Variants in RBFOX1 observed in about 807,000 individuals in gnomAD.
The protein encoded by RBFOX1 is RNA binding protein fox-1 homolog 1.
Under a neutral mutation model 57.7 loss-of-function variants are expected in RBFOX1, and 8 were observed. The observed-to-expected ratio is 0.14, with a 90% CI of 0.08 to 0.25. The LOEUF is 0.25. Ranked by LOEUF, RBFOX1 falls within the 10% of genes least tolerant of loss-of-function variation. RBFOX1 has a pLI of 1.00. For synonymous variants in RBFOX1, 326 were observed against 222.4 expected, an observed-to-expected ratio of 1.47 and a Z score of -4.15; for missense variants, 611 against 548.5, an observed-to-expected ratio of 1.11 and a Z score of -1.14.
chr16:7,494,440 C>G (rs1242455317), intron 4 of RBFOX1, among the ~76,000 whole-genome samples: 2 of 152,184 alleles, frequency 1.3e-5, no homozygotes, highest in Admixed American at 6.5e-5. Context: ...CTCCTTTCCT[C>G]CCAGGCTGGG....
chr16:6,123,808 G>T (rs568980808), intron 1 of RBFOX1, among the ~76,000 whole-genome samples: 1 of 152,272 alleles, frequency 6.6e-6, no homozygotes, highest in Admixed American at 6.5e-5. Context: ...AGGAGGCTGA[G>T]GTCCAGGGAT....
chr16:7,439,400 C>T (rs2098748314), intron 4 of RBFOX1, among the ~76,000 whole-genome samples: 1 of 151,434 alleles, frequency 6.6e-6, no homozygotes, highest in African/African-American at 2.4e-5. Context: ...ACCTTTCTTT[C>T]TGGGTGGAGG....
At chr16:5,782,703 C>G (rs930351915) in intron 3 of RBFOX1, among the ~76,000 whole-genome samples, 2 of 152,106 alleles carry the variant, frequency 1.3e-5, no homozygotes, top group African/African-American at 4.8e-5. Flanking sequence ...GAAGAATTGG[C>G]TTACATAATT....
At chr16:6,795,860 A>T (rs77380384) in intron 3 of RBFOX1, among the ~76,000 whole-genome samples, 7,646 of 151,602 alleles carry the variant, frequency 0.05, 331 homozygotes, top group East Asian at 0.22. Flanking sequence ...TCAGCTTTCC[A>T]CAAAATCACC....
At chr16:6,518,388 G>A (rs185357225) in intron 2 of RBFOX1, among the ~76,000 whole-genome samples, 1 of 152,142 alleles carries the variant, frequency 6.6e-6, no homozygotes, top group Non-Finnish European at 1.5e-5. Flanking sequence ...TCAAGTTGGG[G>A]GTCATGGGGA....
chr16:7,539,868 T>A (rs1235488598), intron 5 of RBFOX1, among the ~76,000 whole-genome samples: 1 of 152,100 alleles, frequency 6.6e-6, no homozygotes, highest in African/African-American at 2.4e-5. Flanking sequence ...AAAAGATAAC[T>A]CCGTCCCCAT....
chr16:7,030,793 C>G (rs553079475), intron 3 of RBFOX1, among the ~76,000 whole-genome samples: 3 of 152,134 alleles, frequency 2.0e-5, no homozygotes, highest in Admixed American at 6.5e-5. Context: ...TTAAGGCCCT[C>G]AAATAAGAGG....
At chr16:7,249,764 AT>A (rs1210916297) in intron 4 of RBFOX1, among the ~76,000 whole-genome samples, 1 of 152,166 alleles carries the variant, frequency 6.6e-6, no homozygotes, top group Non-Finnish European at 1.5e-5. Context: ...ACCGACAGTG[AT>A]GAGCAACATT....
At chr16:7,710,169 A>C (rs887275) in intron 15 of RBFOX1, 1 of 1,026,410 alleles carries the variant, frequency 9.7e-7, no homozygotes, top group East Asian at 1.1e-4. Context: ...CATACAGCTT[A>C]CAGAGCCAAG....
intron 4 of RBFOX1, among the ~76,000 whole-genome samples, chr16:7,075,300 T>C (rs2058093869): frequency 6.6e-6 from 1 of 152,214 alleles, no homozygotes. Context: ...TGGTTTTAGT[T>C]AACAATTATT....
chr16:6,796,623 TC>T (rs1214907704), intron 3 of RBFOX1, among the ~76,000 whole-genome samples: 1 of 151,886 alleles, frequency 6.6e-6, no homozygotes, highest in Non-Finnish European at 1.5e-5. Context: ...AAAGGAACTT[TC>T]TCTCTGTCTC....
chr16:6,839,041 G>T lies in RBFOX1; in HGVS notation c.-16+184391G>T, dbSNP rs183648581. On this transcript the variant is annotated intron_variant, in intron 3 of 15. Coordinates refer to ENST00000550418, the MANE Select transcript of RBFOX1 (RefSeq NM_018723.4). The stretch of plus-strand genomic sequence containing the variant: ...GCTCTGTCGACGAGGCTGGAGTGCA[G>T]TGCTGTGATCTTGGCTCCCTGTAAC... Among the ~76,000 whole-genome samples, 213 of 151,916 alleles carry T rather than the reference G, an allele frequency of 1.4e-3. 1 individual carries two copies. The highest frequency in any genetic ancestry group is 2.1e-3 in the Non-Finnish European group (140 of 67,944).
intron 1 of RBFOX1, among the ~76,000 whole-genome samples, chr16:5,408,266 A>G (rs192349671): frequency 9.8e-5 from 15 of 152,298 alleles, no homozygotes; most frequent in African/African-American, 2.9e-4. Context: ...GAGACCCAAG[A>G]TTGGAGAGAG....
At chr16:5,261,919 G>T (rs1265483846) in intron 1 of RBFOX1, among the ~76,000 whole-genome samples, 1 of 152,054 alleles carries the variant, frequency 6.6e-6, no homozygotes, top group Non-Finnish European at 1.5e-5. Context: ...TCTCCCAGTA[G>T]TTTCTTCATG....
At chr16:7,540,337 C>T (rs537155015) in intron 5 of RBFOX1, among the ~76,000 whole-genome samples, 49 of 152,292 alleles carry the variant, frequency 3.2e-4, no homozygotes, top group Admixed American at 2.9e-3. Flanking sequence ...GGCACCATGT[C>T]GGCAATGTGG....
chr16:6,977,216 T>G (rs1389152046), intron 3 of RBFOX1, among the ~76,000 whole-genome samples: 1 of 142,570 alleles, frequency 7.0e-6, no homozygotes, highest in Non-Finnish European at 1.5e-5. Context: ...TCATATATAT[T>G]ATCATATAAT....
At position 7,000,419 on chromosome 16, in the gene RBFOX1, G is replaced by T. The variant is rs971116345; in HGVS notation, c.-15-51638G>T. Among the ~76,000 whole-genome samples, 5 of 151,988 alleles carry T rather than the reference G, an allele frequency of 3.3e-5. No homozygotes were observed. In the South Asian group the frequency reaches 1.0e-3, roughly 32 times the overall value. On this transcript the variant is annotated intron_variant, in intron 3 of 15. Coordinates refer to ENST00000550418, the MANE Select transcript of RBFOX1 (RefSeq NM_018723.4). ...TGCAATCTATTTGTTGAGGTCACCG[G>T]GTCATTTTTATGCAACAGTCTCTAC...
At chr16:7,215,525 A>C (rs1227653061) in intron 4 of RBFOX1, among the ~76,000 whole-genome samples, 1 of 152,174 alleles carries the variant, frequency 6.6e-6, no homozygotes, top group Admixed American at 6.5e-5. Flanking sequence ...ACACAGTGCA[A>C]AATTCACCCA....
At chr16:7,155,948 T>G (rs1316583429) in intron 4 of RBFOX1, among the ~76,000 whole-genome samples, 1 of 151,644 alleles carries the variant, frequency 6.6e-6, no homozygotes, top group East Asian at 1.9e-4. Context: ...AACTGATCTA[T>G]TTTTCCAGGA....
Sources: allele counts gnomAD v4.1 joint callset (sites outside exome capture counted in the v4.1 genomes callset), GRCh38; gene constraint gnomAD v4.1.1; transcripts MANE v1.5; gene names NCBI Gene and HGNC (gene_info 2026-07-23, HGNC 2026-07-21).